Variants in REEP1 observed in about 807,000 individuals in gnomAD.
REEP1 encodes the protein receptor accessory protein 1.
REEP1 carries 22 observed loss-of-function variants against 40.3 expected under a neutral mutation model. The observed-to-expected ratio is 0.55, with a 90% CI of 0.39 to 0.78. The LOEUF is 0.78. Among genes scored for constraint, REEP1 ranks in the 30% least tolerant of loss-of-function variants. The probability of loss-of-function intolerance (pLI) is 0.00; values close to 1 mark genes in which losing one functional copy is unlikely to be tolerated. For synonymous variants in REEP1, 116 were observed against 139.2 expected, an observed-to-expected ratio of 0.83 and a Z score of 1.17; for missense variants, 280 against 361.1, an observed-to-expected ratio of 0.78 and a Z score of 1.82.
At chr2:86,256,363 A>G (rs1189660210) in intron 3 of REEP1, among the ~76,000 whole-genome samples, 3 of 151,610 alleles carry the variant, frequency 2.0e-5, no homozygotes, top group African/African-American at 2.4e-5. Context: ...AAAAAAAAAA[A>G]AAAGAACTTC....
At chr2:86,291,528 C>T (rs1678692273) in intron 1 of REEP1, among the ~76,000 whole-genome samples, 1 of 152,112 alleles carries the variant, frequency 6.6e-6, no homozygotes. Context: ...AGAGAGTGAA[C>T]ACATACACAA....
At chr2:86,312,464 C>T (rs1679808315) in intron 1 of REEP1, among the ~76,000 whole-genome samples, 1 of 152,166 alleles carries the variant, frequency 6.6e-6, no homozygotes, top group Admixed American at 6.5e-5. Flanking sequence ...GATGGGGCTG[C>T]AGCAACACTT....
intron 5 of REEP1, among the ~76,000 whole-genome samples, chr2:86,240,512 G>A (rs941087369): frequency 2.0e-5 from 3 of 152,216 alleles, no homozygotes; most frequent in Non-Finnish European, 4.4e-5. Context: ...ACGTGCTGGC[G>A]GGGAAGTGCT....
At chr2:86,319,085 G>A (rs1680162338) in intron 1 of REEP1, among the ~76,000 whole-genome samples, 1 of 151,858 alleles carries the variant, frequency 6.6e-6, no homozygotes, top group Non-Finnish European at 1.5e-5. Context: ...CACATTACAG[G>A]GCTTGACAGA....
At chr2:86,239,208 C>CAAAAAAAAAAAAAAAAA (rs35714309) in intron 5 of REEP1, among the ~76,000 whole-genome samples, 1 of 58,348 alleles carries the variant, frequency 1.7e-5, no homozygotes, top group Non-Finnish European at 2.9e-5. Flanking sequence ...CCATCTAGAC[C>CAAAAAAAAAAAAAAAAA]AAAAAAAAAA....
At position 86,215,526 on chromosome 2, in the gene REEP1, A is replaced by G. The variant is rs1160009150; in HGVS notation, c.*1513T>C. The stretch of plus-strand genomic sequence containing the variant: ...ATTCTCTAGTCTTCTGGGCATATCT[A>G]CGAACAAATACAATCCAAATATTAT... On this transcript the variant is annotated 3_prime_UTR_variant, in exon 9 of 9. Coordinates refer to ENST00000538924, the MANE Select transcript of REEP1 (RefSeq NM_001371279.1). 1 of 152,628 alleles carries G rather than the reference A, an allele frequency of 6.6e-6. No individual in the cohort carries two copies. Among genetic ancestry groups the G allele is most frequent in the African/African-American group, 2.4e-5 (1 of 41,430 alleles). 9.5% of individuals were successfully genotyped at this position (152,628 alleles called of 1,614,324 possible). A position where few individuals can be genotyped will look rare whatever the true frequency, so the allele number is the denominator to read the frequency against.
At chr2:86,316,585 GT>G (rs1680023949) in intron 1 of REEP1, among the ~76,000 whole-genome samples, 2 of 149,700 alleles carry the variant, frequency 1.3e-5, no homozygotes, top group African/African-American at 4.9e-5. Context: ...AGGGCCAGGC[GT>G]GGTGGCTCAT....
intron 1 of REEP1, among the ~76,000 whole-genome samples, chr2:86,296,271 T>G (rs1213678638): frequency 6.6e-6 from 1 of 152,242 alleles, no homozygotes; most frequent in South Asian, 2.1e-4. Context: ...TTTATATCCA[T>G]TTGCACATAC....
chr2:86,258,346 A>G (rs1676682094), intron 3 of REEP1, among the ~76,000 whole-genome samples: 1 of 152,188 alleles, frequency 6.6e-6, no homozygotes, highest in African/African-American at 2.4e-5. Flanking sequence ...TGATTTATTA[A>G]TTGTCTATGG....
intron 1 of REEP1, among the ~76,000 whole-genome samples, chr2:86,321,449 G>C (rs1680266758): frequency 1.3e-5 from 2 of 152,008 alleles, no homozygotes; most frequent in African/African-American, 4.8e-5. Flanking sequence ...AAAAAGATGA[G>C]ACACCCCCAG....
At chr2:86,254,843 T>C in intron 3 of REEP1, 29 bp from the exon 4 acceptor site, 1 of 1,612,482 alleles carries the variant, frequency 6.2e-7, no homozygotes, top group Non-Finnish European at 8.5e-7. Context: ...ACACAAGTTC[T>C]GTTAGGTTCT....
intron 1 of REEP1, among the ~76,000 whole-genome samples, chr2:86,306,901 A>T (rs911377374): frequency 6.6e-6 from 1 of 151,234 alleles, no homozygotes; most frequent in East Asian, 1.9e-4. Context: ...AAAAAAAAAA[A>T]CCCTTTTGAA....
intron 3 of REEP1, 48 bp from the exon 4 acceptor site, chr2:86,254,862 C>T (rs942424360): frequency 1.2e-6 from 2 of 1,606,984 alleles, no homozygotes; most frequent in Non-Finnish European, 1.7e-6. Flanking sequence ...CTCAGCAACA[C>T]TGCCCTTTTG....
Position 86,254,725 on chromosome 2 carries a change from AACTTCCTGTACAGGAG to A in REEP1, c.256_271del (p.Leu87TyrfsTer35), listed in dbSNP as rs750086775. ...TTTTGAAGATAGCGTGGGATGTACA[AACTTCCTGTACAGGAG>A]GCTGGAGCCTTTTGTGTAGGGAGAC... On this transcript the variant is annotated frameshift_variant, in exon 4 of 9. Transcript: ENST00000538924. LOFTEE classifies it high-confidence loss of function. 1 of 1,613,792 alleles carries A rather than the reference AACTTCCTGTACAGGAG, an allele frequency of 6.2e-7. No homozygotes were observed. Among genetic ancestry groups the A allele is most frequent in the Non-Finnish European group, 8.5e-7 (1 of 1,179,610 alleles).
intron 1 of REEP1, among the ~76,000 whole-genome samples, chr2:86,327,568 C>CT (rs34203842): frequency 0.58 from 80,128 of 137,662 alleles, 24,499 homozygotes; most frequent in African/African-American, 0.79. Flanking sequence ...GTCTATCTTA[C>CT]TTTTTTTTTT....
At chr2:86,319,037 G>A (rs1287529860) in intron 1 of REEP1, among the ~76,000 whole-genome samples, 1 of 152,142 alleles carries the variant, frequency 6.6e-6, no homozygotes, top group African/African-American at 2.4e-5. Flanking sequence ...CCCCAGAAAG[G>A]TAAATTAAGG....
chr2:86,241,910 C>T (rs1474979038), intron 5 of REEP1, among the ~76,000 whole-genome samples: 2 of 152,128 alleles, frequency 1.3e-5, no homozygotes, highest in Non-Finnish European at 2.9e-5. Flanking sequence ...CCCAGGGGAG[C>T]GTGGCTTGCG....
rs371765949 is a variant in REEP1 at position 86,256,165 on chromosome 2, G to A, written c.183-1351C>T. 8.8e-3 allele frequency among the ~76,000 whole-genome samples: 1,334 copies of A among 151,926 alleles called. 24 individuals are homozygous for A. Among genetic ancestry groups the A allele is most frequent in the African/African-American group, 0.031 (1,288 of 41,408 alleles). ...GGTTCGAGACCAGCCTGACCAATAT[G>A]GTGAAACTCCGTCTCTACTAAAAAA... On this transcript the variant is annotated intron_variant, in intron 3 of 8. Transcript: ENST00000538924.
chr2:86,249,104 T>C (rs1219407356), intron 5 of REEP1, among the ~76,000 whole-genome samples: 1 of 151,950 alleles, frequency 6.6e-6, no homozygotes, highest in African/African-American at 2.4e-5. Context: ...ACTAAAAATA[T>C]AAAAATTAGA....
Sources: allele counts gnomAD v4.1 joint callset (sites outside exome capture counted in the v4.1 genomes callset), GRCh38; gene constraint gnomAD v4.1.1; transcripts MANE v1.5; gene names NCBI Gene and HGNC (gene_info 2026-07-23, HGNC 2026-07-21).